The following ZNF502 variants were observed in gnomAD, a reference collection of about 807,000 sequenced individuals.
ZNF502 encodes zinc finger protein 502.
A neutral mutation model predicts 43.6 loss-of-function variants in ZNF502; 29 were observed. The observed-to-expected ratio is 0.67, with a 90% CI of 0.50 to 0.91. ZNF502 has a LOEUF of 0.91. Among genes scored for constraint, ZNF502 ranks in the 40% least tolerant of loss-of-function variants. ZNF502 has a pLI of 0.00. For synonymous variants in ZNF502, 171 were observed against 207.4 expected, an observed-to-expected ratio of 0.82 and a Z score of 1.51; for missense variants, 591 against 647.2, an observed-to-expected ratio of 0.91 and a Z score of 0.94.
At position 44,720,207 on chromosome 3, in the gene ZNF502, C is replaced by T. The variant is rs1704271813; in HGVS notation, c.-55C>T. On this transcript the variant is annotated 5_prime_UTR_variant, in exon 2 of 3. Transcript: ENST00000436624. ...ACCTTTTCTCCCCATGAGCAGGGTT[C>T]CCAGTTTTCCAGACCTGAAGTGTTT... 1 of 1,600,818 alleles carries T rather than the reference C, an allele frequency of 6.2e-7. No individual in the cohort carries two copies. Among genetic ancestry groups the T allele is most frequent in the African/African-American group, 1.3e-5 (1 of 74,744 alleles).
intron 1 of ZNF502, among the ~76,000 whole-genome samples, chr3:44,718,270 G>C (rs547068604): frequency 6.6e-6 from 1 of 152,106 alleles, no homozygotes; most frequent in South Asian, 2.1e-4. Context: ...ATTCATTCTG[G>C]TTGAACCTTT....
chr3:44,720,667 A>G (rs1015123724), intron 2 of ZNF502, among the ~76,000 whole-genome samples: 1 of 152,028 alleles, frequency 6.6e-6, no homozygotes, highest in African/African-American at 2.4e-5. Flanking sequence ...TACCCCTTCC[A>G]TGGGAGTTCC....
chr3:44,722,394 A>G lies in ZNF502; in HGVS notation c.1577A>G (p.Lys526Arg). 1 of 1,614,164 alleles carries G rather than the reference A, an allele frequency of 6.2e-7. No individual in the cohort carries two copies. Among genetic ancestry groups the G allele is most frequent in the Non-Finnish European group, 8.5e-7 (1 of 1,180,028 alleles). Residue 526 changes from lysine to arginine, a missense_variant, in exon 3 of 3, where the codon AAG (lysine) becomes AGG (arginine). Transcript: ENST00000436624. Reference protein sequence around the residue: ...EKPYECIECGKFFRHSSVLFR... With the variant: ...EKPYECIECGRFFRHSSVLFR... Reference sequence around the variant, plus strand: ...CCTTATGAGTGTATTGAGTGTGGAAAGTTCTTCAGACATAGTTCAGTCCTT... The same window carrying G: ...CCTTATGAGTGTATTGAGTGTGGAAGGTTCTTCAGACATAGTTCAGTCCTT...
At chr3:44,719,995 A>AC (rs1704262614) in intron 1 of ZNF502, among the ~76,000 whole-genome samples, 1 of 152,242 alleles carries the variant, frequency 6.6e-6, no homozygotes, top group Non-Finnish European at 1.5e-5. Context: ...GTCTGATGTT[A>AC]CCACTTCTTG....
intron 2 of ZNF502, 45 bp downstream of exon 2, chr3:44,720,361 A>C (rs749041543): frequency 1.9e-6 from 3 of 1,601,640 alleles, no homozygotes; most frequent in Non-Finnish European, 2.6e-6. Context: ...GTCAGCCAAT[A>C]GGAAGCCTTT....
Position 44,712,699 on chromosome 3 carries a change from G to A in ZNF502, c.-101G>A, listed in dbSNP as rs1393192226. On this transcript the variant is annotated 5_prime_UTR_variant, in exon 1 of 3. Transcript: ENST00000436624. Reference sequence around the variant, plus strand: ...GTGTCCTGGCCCCAGTCCACCTCTGGGAGCGCCTGCGCCGCTCCGCGGAGA... The same window carrying A: ...GTGTCCTGGCCCCAGTCCACCTCTGAGAGCGCCTGCGCCGCTCCGCGGAGA... 1 of 152,304 alleles carries A rather than the reference G, an allele frequency of 6.6e-6. No individual in the cohort carries two copies. The highest frequency in any genetic ancestry group is 1.5e-5 in the Non-Finnish European group (1 of 68,088). 9.4% of individuals were successfully genotyped at this position (152,304 alleles called of 1,614,324 possible).
In ZNF502 at chr3:44,722,393, A is replaced by G. The variant is rs1161657613; in HGVS notation, c.1576A>G (p.Lys526Glu). 1 of 1,614,070 alleles carries G rather than the reference A, an allele frequency of 6.2e-7. No individual in the cohort carries two copies. Among genetic ancestry groups the G allele is most frequent in the Non-Finnish European group, 8.5e-7 (1 of 1,180,044 alleles). The change falls in exon 3 of 3, where the codon AAG becomes GAG. Residue 526 changes from lysine (K) to glutamate (E), a missense_variant. Coordinates refer to ENST00000436624, the MANE Select transcript of ZNF502 (RefSeq NM_001134442.3). Reference sequence around the variant, plus strand: ...GCCTTATGAGTGTATTGAGTGTGGAAAGTTCTTCAGACATAGTTCAGTCCT... The same window carrying G: ...GCCTTATGAGTGTATTGAGTGTGGAGAGTTCTTCAGACATAGTTCAGTCCT... Reference protein sequence around the residue: ...EKPYECIECGKFFRHSSVLFR... With the variant: ...EKPYECIECGEFFRHSSVLFR...
chr3:44,716,677 C>T (rs1307455093), intron 1 of ZNF502, among the ~76,000 whole-genome samples: 2 of 152,222 alleles, frequency 1.3e-5, no homozygotes, highest in Non-Finnish European at 2.9e-5. Context: ...AAAGATGGTA[C>T]CAACTTACAT....
In ZNF502 at chr3:44,720,062, C is replaced by A. The variant is rs949802510; in HGVS notation, c.-59-141C>A. ...GGCTACAAGCCAATGCTGATTTTTG[C>A]GGATGCTTCCACATTGTTATCCTGA... On this transcript the variant is annotated intron_variant, in intron 1 of 2. Coordinates refer to ENST00000436624, the MANE Select transcript of ZNF502 (RefSeq NM_001134442.3). 8 of 606,042 alleles carry A rather than the reference C, an allele frequency of 1.3e-5. No homozygotes were observed. In the African/African-American group the frequency reaches 1.5e-4, roughly 11 times the overall value. The allele number at this position is 606,042 out of a possible 1,614,324, so 37.5% of individuals were successfully genotyped here.
chr3:44,719,613 C>T (rs1309373637), intron 1 of ZNF502, among the ~76,000 whole-genome samples: 2 of 152,210 alleles, frequency 1.3e-5, no homozygotes, highest in African/African-American at 4.8e-5. Context: ...TTCTTTTTAA[C>T]TGCAGCCTGT....
At chr3:44,714,120 G>T (rs2125862226) in intron 1 of ZNF502, among the ~76,000 whole-genome samples, 1 of 152,320 alleles carries the variant, frequency 6.6e-6, no homozygotes, top group South Asian at 2.1e-4. Context: ...AGCTTGCTTA[G>T]ATTCTTTTAG....
At position 44,723,343 on chromosome 3, in the gene ZNF502, T is replaced by TA; in HGVS notation, c.*892dup. On this transcript the variant is annotated 3_prime_UTR_variant, in exon 3 of 3. Coordinates refer to ENST00000436624, the MANE Select transcript of ZNF502 (RefSeq NM_001134442.3). ...CAAGTCACCTACATAACCCTGCCTG[T>TA]ACTAAGGTGTACACCTGTCTATTGT... 1 of 152,292 alleles carries TA rather than the reference T, an allele frequency of 6.6e-6. No homozygotes were observed. Among genetic ancestry groups the TA allele is most frequent in the East Asian group, 1.9e-4 (1 of 5,198 alleles). The allele number at this position is 152,292 out of a possible 1,614,324, so 9.4% of individuals were successfully genotyped here.
Position 44,721,931 on chromosome 3 carries a change from A to C in ZNF502, c.1114A>C (p.Ile372Leu), listed in dbSNP as rs1704359267. The C allele has an allele frequency of 6.2e-7, 1 of 1,614,198 alleles. No homozygotes were observed. The change falls in exon 3 of 3, where the codon ATT (isoleucine) becomes CTT (leucine). Residue 372 changes from isoleucine (I) to leucine (L), a missense_variant. Physicochemically the swap from Ile to Leu is conservative, Grantham distance 5. Transcript: ENST00000436624. ...CCCATCTCTTATTAAACACCAGCGAATTCATACTGGAGAAAAACCATATAA... is the reference window on the plus strand; with the variant it reads ...CCCATCTCTTATTAAACACCAGCGACTTCATACTGGAGAAAAACCATATAA... ...QSPSLIKHQR[I>L]HTGEKPYKCK...
Position 44,721,452 on chromosome 3 carries a change from G to C in ZNF502, c.635G>C (p.Gly212Ala), listed in dbSNP as rs748647652. The change falls in exon 3 of 3, where the codon GGA (glycine) becomes GCA (alanine). Residue 212 changes from glycine to alanine, a missense_variant. By Grantham distance (60) the Gly-to-Ala change is moderately conservative (BLOSUM62 0). Coordinates refer to ENST00000436624, the MANE Select transcript of ZNF502 (RefSeq NM_001134442.3). ...ATTCACACTGGAGTGAAACCATATG[G>C]ATGTGAGCAGTGTGGGAAAACATTT... The part of the protein sequence containing the change: ...QRIHTGVKPY[G>A]CEQCGKTFRC... 1.3e-5 allele frequency: 21 copies of C among 1,613,900 alleles called. No homozygotes were observed. The highest frequency in any genetic ancestry group is 1.8e-5 in the Non-Finnish European group (21 of 1,179,980).
intron 1 of ZNF502, among the ~76,000 whole-genome samples, chr3:44,713,693 G>A (rs1346994608): frequency 1.3e-5 from 2 of 151,836 alleles, no homozygotes; most frequent in Non-Finnish European, 2.9e-5. Context: ...CGATTCTCCT[G>A]CCTCAGCCTC....
In ZNF502 at chr3:44,720,934, GATAGT is replaced by G; in HGVS notation, c.119_123del (p.Ile40SerfsTer8). 1 of 1,614,084 alleles carries G rather than the reference GATAGT, an allele frequency of 6.2e-7. No homozygotes were observed. The highest frequency in any genetic ancestry group is 8.5e-7 in the Non-Finnish European group (1 of 1,179,996). ...ATGTCTGTAAAATTGACTCATCAGG[GATAGT>G]AGTAAAGAGGTTCCAAGAGGATGAA... is the stretch of plus-strand genomic sequence containing the variant. On this transcript the variant is annotated frameshift_variant, in exon 3 of 3. Transcript: ENST00000436624. LOFTEE classifies it high-confidence loss of function.
chr3:44,720,166 T>TTCCC (rs1242264935), intron 1 of ZNF502, 37 bp from the exon 2 acceptor site: 1 of 1,337,566 alleles, frequency 7.5e-7, no homozygotes, highest in East Asian at 2.3e-5. Context: ...GACAGTAATA[T>TTCCC]TCCCTCCCTC....
rs1409886135 is a variant in ZNF502 at position 44,723,640 on chromosome 3, A to T, written c.*1188A>T. ...TTGCTACTGACTGTGACAGTGTTTT[A>T]TTCTTTTGAGAGAAATGACATAGTT... On this transcript the variant is annotated 3_prime_UTR_variant, in exon 3 of 3. Coordinates refer to ENST00000436624, the MANE Select transcript of ZNF502 (RefSeq NM_001134442.3). The T allele has an allele frequency of 6.6e-6, 1 of 152,314 alleles. No homozygotes were observed. Among genetic ancestry groups the T allele is most frequent in the Admixed American group, 6.5e-5 (1 of 15,296 alleles). 9.4% of individuals were successfully genotyped at this position (152,314 alleles called of 1,614,324 possible). A position where few individuals can be genotyped will look rare whatever the true frequency, so the allele number is the denominator to read the frequency against.
chr3:44,713,826 C>T (rs545032309), intron 1 of ZNF502, among the ~76,000 whole-genome samples: 1 of 152,288 alleles, frequency 6.6e-6, no homozygotes, highest in South Asian at 2.1e-4. Context: ...GTGATCCACC[C>T]GCCTTGGCCT....
Sources: gnomAD v4.1 joint callset for allele counts (sites outside exome capture counted in the v4.1 genomes callset) on GRCh38, gnomAD v4.1.1 for gene constraint, MANE v1.5 for transcripts, NCBI Gene and HGNC (gene_info 2026-07-23, HGNC 2026-07-21) for gene names.